BICC1: variants seen among roughly 807,000 people sequenced by gnomAD.
BICC1 encodes the protein protein bicaudal C homolog 1.
Under a neutral mutation model 111.0 loss-of-function variants are expected in BICC1, and 43 were observed. That is an observed-to-expected ratio of 0.39 (90% CI 0.30 to 0.50). The LOEUF is 0.50. Among genes scored for constraint, BICC1 ranks in the 20% least tolerant of loss-of-function variants. The pLI is 0.88. For missense variants in BICC1, 1,091 were observed against 1,203.2 expected, an observed-to-expected ratio of 0.91 and a Z score of 1.38; for synonymous variants, 467 against 434.4, an observed-to-expected ratio of 1.07 and a Z score of -0.93.
chr10:58,598,141 C>G (rs1197586617), intron 1 of BICC1, among the ~76,000 whole-genome samples: 1 of 151,920 alleles, frequency 6.6e-6, no homozygotes, highest in African/African-American at 2.4e-5. Flanking sequence ...TATTCAGGGT[C>G]CCTGACTTCT....
intron 20 of BICC1, among the ~76,000 whole-genome samples, chr10:58,822,749 C>G (rs1844288480): frequency 6.6e-6 from 1 of 152,094 alleles, no homozygotes; most frequent in African/African-American, 2.4e-5. Context: ...GCTTCTTTCT[C>G]CAGTTCAACT....
At chr10:58,796,283 C>A in intron 9 of BICC1, 57 bp from the exon 10 acceptor site, 2 of 1,448,374 alleles carry the variant, frequency 1.4e-6, no homozygotes, top group Non-Finnish European at 1.9e-6. Context: ...TCCCCTCCCC[C>A]ATTCATTGTA....
chr10:58,544,619 A>G (rs1047059033), intron 1 of BICC1, among the ~76,000 whole-genome samples: 4 of 152,220 alleles, frequency 2.6e-5, no homozygotes, highest in Non-Finnish European at 5.9e-5. Flanking sequence ...TGTTACAAAT[A>G]CACACTAACA....
chr10:58,769,713 AT>A (rs1351592056), intron 3 of BICC1, among the ~76,000 whole-genome samples: 1 of 151,976 alleles, frequency 6.6e-6, no homozygotes, highest in Non-Finnish European at 1.5e-5. Flanking sequence ...TTTAGAAAAT[AT>A]TTTTATGAAT....
intron 2 of BICC1, among the ~76,000 whole-genome samples, chr10:58,683,418 A>G (rs1218418947): frequency 1.3e-5 from 2 of 152,226 alleles, no homozygotes; most frequent in Non-Finnish European, 2.9e-5. Flanking sequence ...TTCTGTGAAG[A>G]AAGTCATTGG....
intron 1 of BICC1, among the ~76,000 whole-genome samples, chr10:58,584,861 C>T (rs545393719): frequency 7.3e-5 from 11 of 151,316 alleles, no homozygotes; most frequent in Non-Finnish European, 1.0e-4. Flanking sequence ...AACATGAGTG[C>T]GGAAGAGTTT....
chr10:58,583,092 A>G (rs1260719329), intron 1 of BICC1, among the ~76,000 whole-genome samples: 3 of 152,142 alleles, frequency 2.0e-5, no homozygotes. Flanking sequence ...CTGTGTCTTA[A>G]TAAATGGTTC....
At chr10:58,756,988 A>G (rs867411884) in intron 3 of BICC1, among the ~76,000 whole-genome samples, 3 of 152,298 alleles carry the variant, frequency 2.0e-5, no homozygotes, top group Middle Eastern at 3.4e-3. Flanking sequence ...ATTGGTGCTA[A>G]CATTTTTAAA....
chr10:58,655,996 T>TA lies in BICC1; in HGVS notation c.237+35101dup, dbSNP rs574255725. Among the ~76,000 whole-genome samples, 298 of 151,868 alleles carry TA rather than the reference T, an allele frequency of 2.0e-3. 2 individuals are homozygous for TA. The highest frequency in any genetic ancestry group is 6.8e-3 in the Middle Eastern group (2 of 292). On this transcript the variant is annotated intron_variant, in intron 2 of 20. Coordinates refer to ENST00000373886, the MANE Select transcript of BICC1 (RefSeq NM_001080512.3). The stretch of plus-strand genomic sequence containing the variant: ...AGAGAGAAGAATCAAATAGACGCAA[T>TA]AAAAAATGATAAAGGGGATATCACC...
intron 17 of BICC1, among the ~76,000 whole-genome samples, chr10:58,811,848 G>A (rs1475002697): frequency 6.6e-6 from 1 of 152,166 alleles, no homozygotes; most frequent in Admixed American, 6.5e-5. Context: ...AAGATCTGGG[G>A]AAAGAGTAGT....
intron 1 of BICC1, among the ~76,000 whole-genome samples, chr10:58,576,512 C>A (rs1844117752): frequency 6.6e-6 from 1 of 152,132 alleles, no homozygotes; most frequent in Non-Finnish European, 1.5e-5. Context: ...CACTGATGCC[C>A]ATTATTGCCA....
In BICC1 at chr10:58,543,823, T is replaced by TA. The variant is rs569320302; in HGVS notation, c.190+30492dup. Among the ~76,000 whole-genome samples the TA allele has an allele frequency of 3.9e-3, 380 of 97,882 alleles. 1 individual carries two copies. The highest frequency in any genetic ancestry group is 0.013 in the African/African-American group (364 of 28,208). The allele number at this position is 97,882 out of a possible 152,430, so 64.2% of individuals were successfully genotyped here. A position where few individuals can be genotyped will look rare whatever the true frequency, so the allele number is the denominator to read the frequency against. ...TATGCCTGGCCTATGTTTTTTTTTTTAACCATAATTAAAAAAAAAAAAAAA... is the reference window on the plus strand; with the variant it reads ...TATGCCTGGCCTATGTTTTTTTTTTTAAACCATAATTAAAAAAAAAAAAAAA... On this transcript the variant is annotated intron_variant, in intron 1 of 20. Transcript: ENST00000373886.
chr10:58,787,184 A>AG, intron 5 of BICC1, 103 bp downstream of exon 5: 1 of 1,042,022 alleles, frequency 9.6e-7, no homozygotes, highest in Non-Finnish European at 1.4e-6. Flanking sequence ...CAAAAAAAAA[A>AG]TCACATAGAT....
intron 3 of BICC1, among the ~76,000 whole-genome samples, chr10:58,720,249 G>A (rs542456696): frequency 2.0e-5 from 3 of 152,134 alleles, no homozygotes; most frequent in Non-Finnish European, 4.4e-5. Context: ...TTACTTTGGT[G>A]TACTCTTTCT....
intron 3 of BICC1, among the ~76,000 whole-genome samples, chr10:58,758,610 A>G (rs977148937): frequency 6.6e-6 from 1 of 152,340 alleles, no homozygotes; most frequent in Non-Finnish European, 1.5e-5. Flanking sequence ...TAGTAATTCT[A>G]TTTCAACCCT....
rs181980790 is a variant in BICC1, at chr10:58,686,270, C to T, written c.238-15804C>T. On this transcript the variant is annotated intron_variant, in intron 2 of 20. Coordinates refer to ENST00000373886, the MANE Select transcript of BICC1 (RefSeq NM_001080512.3). ...GATGGGATTCCCTTTGTGGGTAACC[C>T]GACCTTTCTCTCTGGCTGCCCTTAA... Among the ~76,000 whole-genome samples, 436 of 152,146 alleles carry T rather than the reference C, an allele frequency of 2.9e-3. 3 individuals are homozygous for T. The highest frequency in any genetic ancestry group is 9.7e-3 in the African/African-American group (403 of 41,526).
intron 2 of BICC1, among the ~76,000 whole-genome samples, chr10:58,677,023 C>T (rs1368495741): frequency 6.6e-6 from 1 of 152,146 alleles, no homozygotes; most frequent in Non-Finnish European, 1.5e-5. Context: ...AAAAGGACAA[C>T]CACACAAAAA....
chr10:58,683,000 G>A (rs1839587621), intron 2 of BICC1, among the ~76,000 whole-genome samples: 1 of 152,136 alleles, frequency 6.6e-6, no homozygotes, highest in Admixed American at 6.5e-5. Context: ...TTCTTCTAGG[G>A]TTTTTATGGT....
chr10:58,732,353 AT>A (rs1841328782), intron 3 of BICC1, among the ~76,000 whole-genome samples: 1 of 82,158 alleles, frequency 1.2e-5, no homozygotes, highest in Non-Finnish European at 2.1e-5. Context: ...AGAGGAGTGT[AT>A]GTGTGTGTGT....
Sources: allele counts gnomAD v4.1 joint callset (sites outside exome capture counted in the v4.1 genomes callset), GRCh38; gene constraint gnomAD v4.1.1; transcripts MANE v1.5; gene names NCBI Gene and HGNC (gene_info 2026-07-23, HGNC 2026-07-21).